Variants in MC2R observed in about 807,000 individuals in gnomAD.
MC2R encodes the protein adrenocorticotropic hormone receptor.
A neutral mutation model predicts 9.8 loss-of-function variants in MC2R; 9 were observed. The ratio of observed to expected loss-of-function variants is 0.92; its 90% CI spans 0.55 to 1.60. MC2R has a LOEUF of 1.60. Ranked by LOEUF, MC2R falls within the 40% of genes most tolerant of loss-of-function variation. The pLI is 0.00. For missense variants in MC2R, 370 were observed against 389.0 expected, an observed-to-expected ratio of 0.95 and a Z score of 0.41; for synonymous variants, 185 against 154.7, an observed-to-expected ratio of 1.20 and a Z score of -1.45.
intron 1 of MC2R, among the ~76,000 whole-genome samples, chr18:13,907,266 T>C (rs978307204): frequency 2.0e-5 from 3 of 152,056 alleles, no homozygotes; most frequent in African/African-American, 7.2e-5. Context: ...GAACATACAA[T>C]GGGGAAAGGA....
At chr18:13,891,843 A>AT (rs1226775285) in intron 1 of MC2R, among the ~76,000 whole-genome samples, 2 of 151,944 alleles carry the variant, frequency 1.3e-5, no homozygotes, top group African/African-American at 4.8e-5. Context: ...AGGGAGTGGC[A>AT]TTTTCTCTTT....
In MC2R at chr18:13,883,257, A is replaced by T. The variant is rs1213295496; in HGVS notation, c.*1368T>A. ...GTCCCTTTCACCTTTCACCCCATTC[A>T]AGTCACCCTCCAACTTAGTGGGGAC... On this transcript the variant is annotated 3_prime_UTR_variant, in exon 2 of 2. Transcript: ENST00000327606. 2.6e-5 allele frequency: 4 copies of T among 152,142 alleles called. No individual in the cohort carries two copies. The highest frequency in any genetic ancestry group is 9.7e-5 in the African/African-American group (4 of 41,380). 9.4% of individuals were successfully genotyped at this position (152,142 alleles called of 1,614,324 possible).
intron 1 of MC2R, among the ~76,000 whole-genome samples, chr18:13,905,550 C>T (rs763357897): frequency 5.3e-5 from 8 of 151,570 alleles, no homozygotes; most frequent in African/African-American, 1.7e-4. Context: ...AACGAGATAC[C>T]ATCTCATGCC....
chr18:13,905,785 C>T (rs1013396211), intron 1 of MC2R, among the ~76,000 whole-genome samples: 6 of 152,230 alleles, frequency 3.9e-5, no homozygotes, highest in East Asian at 3.9e-4. Context: ...TGGCCAGGTG[C>T]GATGGTTCAC....
In MC2R at chr18:13,884,153, C is replaced by T. The variant is rs373694705; in HGVS notation, c.*472G>A. On this transcript the variant is annotated 3_prime_UTR_variant, in exon 2 of 2. Transcript: ENST00000327606. The stretch of plus-strand genomic sequence containing the variant: ...AGACCCTACATCTTCTGCCTGGAGT[C>T]GCATGTCCAGGTACTTAACTTCTGG... The T allele has an allele frequency of 2.5e-4, 57 of 228,070 alleles. No homozygotes were observed. Among genetic ancestry groups the T allele is most frequent in the African/African-American group, 1.2e-3 (51 of 43,848 alleles). 14.1% of individuals were successfully genotyped at this position (228,070 alleles called of 1,614,324 possible).
intron 1 of MC2R, among the ~76,000 whole-genome samples, chr18:13,887,789 G>T (rs1377130942): frequency 1.3e-5 from 2 of 152,096 alleles, no homozygotes; most frequent in Admixed American, 1.3e-4. Flanking sequence ...CTCCTCTTAG[G>T]TCTCACGTCT....
chr18:13,912,498 G>A (rs1348251279), intron 1 of MC2R, among the ~76,000 whole-genome samples: 1 of 152,182 alleles, frequency 6.6e-6, no homozygotes, highest in Non-Finnish European at 1.5e-5. Context: ...GCCAAGAGCT[G>A]TGGGAGGAGC....
chr18:13,888,157 A>C (rs1189919067), intron 1 of MC2R, among the ~76,000 whole-genome samples: 1 of 151,962 alleles, frequency 6.6e-6, no homozygotes, highest in Non-Finnish European at 1.5e-5. Context: ...ATTTTTTTAG[A>C]AACAGGTGGT....
chr18:13,893,283 C>T (rs544611833), intron 1 of MC2R, among the ~76,000 whole-genome samples: 8 of 152,256 alleles, frequency 5.3e-5, no homozygotes, highest in South Asian at 2.1e-4. Context: ...CGTGGGGTGG[C>T]GAGATGGCTA....
chr18:13,883,503 A>G lies in MC2R; in HGVS notation c.*1122T>C, dbSNP rs1291574407. ...TCCCTCAGGTCTTTGACTTGGGGCT[A>G]TAATAACAGCACCATTGCTTGATGT... On this transcript the variant is annotated 3_prime_UTR_variant, in exon 2 of 2. Coordinates refer to ENST00000327606, the MANE Select transcript of MC2R (RefSeq NM_000529.2). 1 of 151,730 alleles carries G rather than the reference A, an allele frequency of 6.6e-6. No homozygotes were observed. Among genetic ancestry groups the G allele is most frequent in the Non-Finnish European group, 1.5e-5 (1 of 67,994 alleles). 9.4% of individuals were successfully genotyped at this position (151,730 alleles called of 1,614,324 possible). A position where few individuals can be genotyped will look rare whatever the true frequency, so the allele number is the denominator to read the frequency against.
At chr18:13,915,137 T>C (rs574266329) in intron 1 of MC2R, among the ~76,000 whole-genome samples, 99 of 152,196 alleles carry the variant, frequency 6.5e-4, no homozygotes, top group African/African-American at 2.3e-3. Context: ...AGGGGCTAAC[T>C]CCAGAAGTGA....
chr18:13,913,625 C>G (rs2045459440), intron 1 of MC2R, among the ~76,000 whole-genome samples: 2 of 152,196 alleles, frequency 1.3e-5, no homozygotes, highest in South Asian at 4.1e-4. Context: ...TTAAGGCCCA[C>G]TGGGTGGGTC....
chr18:13,892,566 T>A (rs1417359352), intron 1 of MC2R, among the ~76,000 whole-genome samples: 2 of 152,114 alleles, frequency 1.3e-5, no homozygotes, highest in African/African-American at 4.8e-5. Flanking sequence ...CCTTCACTCC[T>A]AGATGCTTGG....
chr18:13,900,224 G>T lies in MC2R; in HGVS notation c.-128-14578C>A, dbSNP rs144828827. 3.9e-3 allele frequency among the ~76,000 whole-genome samples: 586 copies of T among 152,072 alleles called. 6 individuals carry two copies. Among genetic ancestry groups the T allele is most frequent in the African/African-American group, 0.013 (556 of 41,520 alleles). ...ATGGGTTATAAGATAGTATTTGCAA[G>T]CCTCTTGGTAACCTCAAACCAAAAA... On this transcript the variant is annotated intron_variant, in intron 1 of 1. Transcript: ENST00000327606.
In MC2R at chr18:13,903,825, T is replaced by TA. The variant is rs547792130; in HGVS notation, c.-129+11662dup. On this transcript the variant is annotated intron_variant, in intron 1 of 1. Coordinates refer to ENST00000327606, the MANE Select transcript of MC2R (RefSeq NM_000529.2). ...TAACTTAATTGTACATTTTTTAAAA[T>TA]AAAAAAATGCAGCCTTAAAGGAAAA... Among the ~76,000 whole-genome samples, 40 of 151,850 alleles carry TA rather than the reference T, an allele frequency of 2.6e-4. 1 individual carries two copies. Among genetic ancestry groups the TA allele is most frequent in the African/African-American group, 7.3e-4 (30 of 41,342 alleles).
Position 13,882,515 on chromosome 18 carries a change from G to A in MC2R, c.*2110C>T, listed in dbSNP as rs1046974328. On this transcript the variant is annotated 3_prime_UTR_variant, in exon 2 of 2. Transcript: ENST00000327606. ...CAACAAATCAAAGGCAGTGAGAGGT[G>A]AAGTTTCTTGGTGATTTTCCTTCTG... is the stretch of plus-strand genomic sequence containing the variant. The A allele has an allele frequency of 1.3e-5, 2 of 152,240 alleles. No individual in the cohort carries two copies. Among genetic ancestry groups the A allele is most frequent in the Admixed American group, 1.3e-4 (2 of 15,282 alleles). The allele number at this position is 152,240 out of a possible 1,614,324, so 9.4% of individuals were successfully genotyped here.
chr18:13,888,435 C>T (rs759467451), intron 1 of MC2R, among the ~76,000 whole-genome samples: 1 of 152,154 alleles, frequency 6.6e-6, no homozygotes, highest in Non-Finnish European at 1.5e-5. Flanking sequence ...ATGGGCACCA[C>T]CTAATTCTCC....
intron 1 of MC2R, among the ~76,000 whole-genome samples, chr18:13,909,347 G>A (rs555875010): frequency 1.3e-5 from 2 of 152,304 alleles, no homozygotes; most frequent in South Asian, 4.1e-4. Context: ...TGCTAACCAT[G>A]GTCACCTGGC....
intron 1 of MC2R, among the ~76,000 whole-genome samples, chr18:13,886,561 C>G (rs1415792295): frequency 1.3e-5 from 2 of 152,228 alleles, no homozygotes; most frequent in African/African-American, 4.8e-5. Flanking sequence ...GCTCGTCTCC[C>G]TGGGTCACTG....
Sources: allele counts gnomAD v4.1 joint callset (sites outside exome capture counted in the v4.1 genomes callset), GRCh38; gene constraint gnomAD v4.1.1; transcripts MANE v1.5; gene names NCBI Gene and HGNC (gene_info 2026-07-23, HGNC 2026-07-21).